The following TIAM1 variants were observed in gnomAD, a reference collection of about 807,000 sequenced individuals.
The protein encoded by TIAM1 is rho guanine nucleotide exchange factor TIAM1.
In TIAM1, 65 loss-of-function variants were observed where a neutral mutation model predicts 163.5. The observed-to-expected ratio is 0.40, with a 90% confidence interval of 0.33 to 0.49. The LOEUF (loss-of-function observed/expected upper bound fraction) is 0.49, where lower values mean the gene tolerates loss of function less well. Ranked by LOEUF, TIAM1 falls within the 20% of genes least tolerant of loss-of-function variation. TIAM1 has a pLI of 0.77. For missense variants in TIAM1, 1,789 were observed against 2,044.7 expected, an observed-to-expected ratio of 0.87 and a Z score of 2.41; for synonymous variants, 833 against 810.1, an observed-to-expected ratio of 1.03 and a Z score of -0.48.
At chr21:31,484,480 C>A (rs1246497677) in intron 1 of TIAM1, among the ~76,000 whole-genome samples, 1 of 152,170 alleles carries the variant, frequency 6.6e-6, no homozygotes, top group Non-Finnish European at 1.5e-5. Flanking sequence ...GGGGCAGGGA[C>A]ATTACTTAAA....
chr21:31,126,101 T>G (rs1161473378), intron 26 of TIAM1, among the ~76,000 whole-genome samples: 2 of 152,174 alleles, frequency 1.3e-5, no homozygotes, highest in East Asian at 3.9e-4. Flanking sequence ...GAATGTAAGG[T>G]GTTTAGCATA....
At chr21:31,511,795 C>T (rs1049929120) in intron 1 of TIAM1, among the ~76,000 whole-genome samples, 2 of 152,172 alleles carry the variant, frequency 1.3e-5, no homozygotes, top group African/African-American at 4.8e-5. Flanking sequence ...AGGAAACATT[C>T]CTAAATGATT....
At chr21:31,477,668 G>A (rs189544395) in intron 1 of TIAM1, among the ~76,000 whole-genome samples, 1 of 152,032 alleles carries the variant, frequency 6.6e-6, no homozygotes, top group East Asian at 1.9e-4. Flanking sequence ...AGAGACGGGG[G>A]TTTCACCATG....
At chr21:31,161,851 C>T (rs2083939594) in intron 16 of TIAM1, among the ~76,000 whole-genome samples, 1 of 152,170 alleles carries the variant, frequency 6.6e-6, no homozygotes, top group African/African-American at 2.4e-5. Flanking sequence ...AGAAAAGCTT[C>T]ACACTTATAT....
At chr21:31,334,044 A>T (rs1241064834) in intron 2 of TIAM1, among the ~76,000 whole-genome samples, 1 of 152,240 alleles carries the variant, frequency 6.6e-6, no homozygotes, top group Non-Finnish European at 1.5e-5. Flanking sequence ...CGTAGAGGTG[A>T]AAATCGGAAA....
intron 2 of TIAM1, among the ~76,000 whole-genome samples, chr21:31,359,046 GGCT>G (rs1226724804): frequency 6.6e-6 from 1 of 152,084 alleles, no homozygotes; most frequent in Admixed American, 6.5e-5. Flanking sequence ...ATTCCAGGTA[GGCT>G]GCTAATTTCT....
rs569910936 is a variant in TIAM1 at position 31,295,218 on chromosome 21, C to T, written c.-188-18310G>A. Among the ~76,000 whole-genome samples the T allele has an allele frequency of 2.6e-5, 4 of 152,290 alleles. No homozygotes were observed. The South Asian group carries it at 8.3e-4, about 32-fold the overall frequency. ...AGGTGCGGTGGCTTACGCCTGCAAT[C>T]CCAGCACTTTGGGAGGCCAAGGCGG... On this transcript the variant is annotated intron_variant, in intron 2 of 27. Coordinates refer to ENST00000541036, the MANE Select transcript of TIAM1 (RefSeq NM_001353694.2).
intron 2 of TIAM1, among the ~76,000 whole-genome samples, chr21:31,426,762 A>G (rs145977498): frequency 0.016 from 2,499 of 152,274 alleles, 51 homozygotes; most frequent in Non-Finnish European, 0.019. Context: ...AACTTGAAAG[A>G]AAAGTCATCA....
At chr21:31,289,138 G>A (rs1023889636) in intron 2 of TIAM1, among the ~76,000 whole-genome samples, 3 of 152,232 alleles carry the variant, frequency 2.0e-5, no homozygotes, top group Admixed American at 6.5e-5. Flanking sequence ...TTCTGTGAGT[G>A]TATAAAATAA....
At chr21:31,192,634 A>G (rs554473408) in intron 13 of TIAM1, among the ~76,000 whole-genome samples, 13 of 152,164 alleles carry the variant, frequency 8.5e-5, no homozygotes, top group African/African-American at 2.9e-4. Flanking sequence ...ACAGCTTAAT[A>G]ACTTGATTCA....
chr21:31,544,446 T>C (rs1452468825), intron 1 of TIAM1, among the ~76,000 whole-genome samples: 2 of 147,724 alleles, frequency 1.4e-5, no homozygotes, highest in East Asian at 2.2e-4. Flanking sequence ...CTGGCCAACA[T>C]GGTGAAACCC....
chr21:31,168,947 G>T (rs569140424), intron 15 of TIAM1, among the ~76,000 whole-genome samples: 1 of 152,070 alleles, frequency 6.6e-6, no homozygotes, highest in African/African-American at 2.4e-5. Flanking sequence ...GAATGACACC[G>T]CAATGATCAG....
intron 2 of TIAM1, among the ~76,000 whole-genome samples, chr21:31,437,073 T>A (rs1215421656): frequency 6.6e-6 from 1 of 152,108 alleles, no homozygotes; most frequent in African/African-American, 2.4e-5. Context: ...AAAGAAAAAA[T>A]TTGGTAAAAT....
At chr21:31,347,348 A>G (rs2076164986), upstream of TIAM1, among the ~76,000 whole-genome samples, 3 of 152,320 alleles carry the variant, frequency 2.0e-5, no homozygotes, top group Admixed American at 2.0e-4. Context: ...AGCAGGACTT[A>G]GCATCCAAGA....
intron 16 of TIAM1, among the ~76,000 whole-genome samples, chr21:31,158,931 T>C (rs532899815): frequency 1.3e-5 from 2 of 152,078 alleles, no homozygotes; most frequent in African/African-American, 2.4e-5. Flanking sequence ...ATCCTAGTCA[T>C]TCCCACACCA....
chr21:31,155,790 C>T (rs569901736), intron 16 of TIAM1, among the ~76,000 whole-genome samples: 138 of 152,306 alleles, frequency 9.1e-4, no homozygotes, highest in South Asian at 2.9e-3. Flanking sequence ...CGTGAGCCAC[C>T]GCGCCCGGCC....
At chr21:31,277,844 A>G (rs1196009549) in intron 2 of TIAM1, among the ~76,000 whole-genome samples, 2 of 152,180 alleles carry the variant, frequency 1.3e-5, no homozygotes, top group Non-Finnish European at 2.9e-5. Flanking sequence ...CTTTCCTGTA[A>G]CAATATGACA....
chr21:31,203,105 C>A (rs1414878108), intron 11 of TIAM1, 93 bp from the exon 12 acceptor site: 5 of 1,031,690 alleles, frequency 4.8e-6, no homozygotes, highest in East Asian at 4.8e-5. Context: ...ATTCCTATGA[C>A]CAATAGAGTT....
intron 4 of TIAM1, 136 bp from the exon 5 acceptor site, chr21:31,252,325 G>T: frequency 1.1e-6 from 1 of 933,934 alleles, no homozygotes; most frequent in Non-Finnish European, 1.6e-6. Context: ...CACTCCTGAC[G>T]GCTCCTGGAC....
Sources: allele counts gnomAD v4.1 joint callset (sites outside exome capture counted in the v4.1 genomes callset), GRCh38; gene constraint gnomAD v4.1.1; transcripts MANE v1.5; gene names NCBI Gene and HGNC (gene_info 2026-07-23, HGNC 2026-07-21).